Variants in RPH3A observed in about 807,000 individuals in gnomAD.
The protein encoded by RPH3A is rabphilin 3A, also known as rabphilin-3A.
Under a neutral mutation model 102.2 loss-of-function variants are expected in RPH3A, and 48 were observed. That is an observed-to-expected ratio of 0.47 (90% CI 0.37 to 0.60). The LOEUF is 0.60. Ranked by LOEUF, RPH3A falls within the 20% of genes least tolerant of loss-of-function variation. The pLI is 0.00. For synonymous variants in RPH3A, 310 were observed against 324.3 expected (o/e 0.96, Z 0.47); for missense variants, 781 against 910.1 (o/e 0.86, Z 1.83).
At position 112,642,942 on chromosome 12, in the gene RPH3A, C is replaced by T. The variant is rs557681448; in HGVS notation, c.-140+67623C>T. Among the ~76,000 whole-genome samples the T allele has an allele frequency of 2.6e-4, 39 of 152,212 alleles. No individual in the cohort carries two copies. The Middle Eastern group carries it at 0.01, about 40-fold the overall frequency. On this transcript the variant is annotated intron_variant, in intron 1 of 21. Coordinates refer to the RPH3A transcript ENST00000543106. ...TTGTCTCAAATATGGGTGCTACTGG[C>T]GTCTAGTGAGTAGAGGTCAGGGGTG...
In RPH3A at chr12:112,659,841, T is replaced by C. The variant is rs11066375; in HGVS notation, c.-140+84522T>C. ...GACTCCTAGGTCTGTTTGATCTGTC[T>C]GCATCATTCTTCGGGTGCCCCTTTG... On this transcript the variant is annotated intron_variant, in intron 1 of 21. Transcript: ENST00000543106. 6.6e-3 allele frequency among the ~76,000 whole-genome samples: 1,009 copies of C among 152,312 alleles called. 17 individuals carry two copies. Among genetic ancestry groups the C allele is most frequent in the African/African-American group, 0.023 (956 of 41,568 alleles).
At chr12:112,716,027 T>C (rs1403992375) in intron 1 of RPH3A, among the ~76,000 whole-genome samples, 6 of 152,250 alleles carry the variant, frequency 3.9e-5, no homozygotes, top group African/African-American at 1.4e-4. Context: ...TAAACTGTTA[T>C]GGCACTGGTG....
intron 3 of RPH3A, among the ~76,000 whole-genome samples, chr12:112,833,555 T>A (rs142167373): frequency 2.7e-5 from 2 of 73,354 alleles, no homozygotes. Flanking sequence ...CCAGAAACAC[T>A]TTAGCCCCCT....
chr12:112,826,333 G>A (rs936309117), intron 2 of RPH3A, among the ~76,000 whole-genome samples: 1 of 152,172 alleles, frequency 6.6e-6, no homozygotes, highest in African/African-American at 2.4e-5. Flanking sequence ...AAGAGAAGGA[G>A]GCTGCAGGGA....
At chr12:112,813,024 A>G (rs1489271120) in intron 2 of RPH3A, among the ~76,000 whole-genome samples, 1 of 152,222 alleles carries the variant, frequency 6.6e-6, no homozygotes, top group African/African-American at 2.4e-5. Context: ...ACAAGTACTA[A>G]CTCATTTAAT....
chr12:112,887,005 T>C (rs948747697), intron 16 of RPH3A, among the ~76,000 whole-genome samples: 1 of 152,166 alleles, frequency 6.6e-6, no homozygotes, highest in African/African-American at 2.4e-5. Flanking sequence ...CTGACATAAT[T>C]GAAGTCAAAG....
At chr12:112,651,558 T>C (rs1310813115) in intron 1 of RPH3A, among the ~76,000 whole-genome samples, 1 of 152,228 alleles carries the variant, frequency 6.6e-6, no homozygotes, top group Non-Finnish European at 1.5e-5. Flanking sequence ...GTGGAATACA[T>C]GAACTTTCAT....
rs1301753885 is a variant in RPH3A, at chr12:112,869,899, A to G, written c.656A>G (p.Asp219Gly). Residue 219 changes from aspartate to glycine, a missense_variant, in exon 10 of 22, where the codon GAC becomes GGC. Around this residue, in one of 2 missense-constraint regions of RPH3A, gnomAD observed 730 missense variants for 810.0 expected, o/e 0.90. Transcript: ENST00000389385. ...TTCATGCTCTTCTTTCCAGGCCCTG[A>G]CCCAGCCTCTGCTCCCGGGCGAGGA... ...RRGPGQKTGP[D>G]PASAPGRGNY... 3.1e-6 allele frequency: 5 copies of G among 1,613,906 alleles called. No homozygotes were observed. The African/African-American group carries it at 6.7e-5, about 22-fold the overall frequency.
intron 1 of RPH3A, among the ~76,000 whole-genome samples, chr12:112,653,189 G>A (rs1015871595): frequency 1.3e-5 from 2 of 151,848 alleles, no homozygotes; most frequent in East Asian, 1.9e-4. Flanking sequence ...TCAGGAGTTC[G>A]AGACCAGCCT....
At chr12:112,796,867 T>C (rs1251403617) in intron 2 of RPH3A, among the ~76,000 whole-genome samples, 2 of 152,124 alleles carry the variant, frequency 1.3e-5, no homozygotes, top group Admixed American at 1.3e-4. Context: ...CTGGTCAACA[T>C]GGTAAATCCC....
chr12:112,869,893 G>A lies in RPH3A; in HGVS notation c.650G>A (p.Gly217Asp), dbSNP rs1325227198. 3 of 1,613,924 alleles carry A rather than the reference G, an allele frequency of 1.9e-6. No individual in the cohort carries two copies. Among genetic ancestry groups the A allele is most frequent in the Non-Finnish European group, 2.5e-6 (3 of 1,179,968 alleles). Residue 217 changes from glycine (G) to aspartate (D), a missense_variant and splice_region_variant, in exon 10 of 22, where the codon GGC (glycine) becomes GAC (aspartate). By Grantham distance (94) the Gly-to-Asp change is moderately conservative (BLOSUM62 -1). Coordinates refer to ENST00000389385, the MANE Select transcript of RPH3A (RefSeq NM_001143854.2). ...ACTCAATTCATGCTCTTCTTTCCAGGCCCTGACCCAGCCTCTGCTCCCGGG... is the reference window on the plus strand; with the variant it reads ...ACTCAATTCATGCTCTTCTTTCCAGACCCTGACCCAGCCTCTGCTCCCGGG... The part of the protein sequence containing the change: ...EDRRGPGQKT[G>D]PDPASAPGRG...
chr12:112,868,492 T>C lies in RPH3A; in HGVS notation c.507T>C (p.Pro169=). 2 of 1,614,176 alleles carry C rather than the reference T, an allele frequency of 1.2e-6. No individual in the cohort carries two copies. Among genetic ancestry groups the C allele is most frequent in the Non-Finnish European group, 1.7e-6 (2 of 1,180,022 alleles). Residue 169 remains proline (P), a synonymous_variant, in exon 8 of 22, where the codon CCT becomes CCC. Coordinates refer to ENST00000389385, the MANE Select transcript of RPH3A (RefSeq NM_001143854.2). ...KGFPKQVLPQ[P]MPIKKTKPQQ... is the part of the protein sequence containing the mutation. ...TCCCCAAACAGGTCCTCCCACAGCC[T>C]ATGCCTATAAAGAAGACCAAGCCCC...
At chr12:112,775,284 CA>C (rs1030484655) in intron 1 of RPH3A, among the ~76,000 whole-genome samples, 5 of 151,700 alleles carry the variant, frequency 3.3e-5, no homozygotes, top group South Asian at 4.2e-4. Flanking sequence ...ATATGAATAC[CA>C]AAAAAAGGGA....
intron 1 of RPH3A, among the ~76,000 whole-genome samples, chr12:112,710,301 C>T (rs543087317): frequency 1.3e-5 from 2 of 152,266 alleles, no homozygotes; most frequent in South Asian, 4.2e-4. Flanking sequence ...ACCGTAGTTT[C>T]AGCGCTGAAA....
At chr12:112,683,114 G>A (rs978315190) in intron 1 of RPH3A, among the ~76,000 whole-genome samples, 2 of 152,210 alleles carry the variant, frequency 1.3e-5, no homozygotes, top group African/African-American at 4.8e-5. Context: ...TATCTTCAGA[G>A]CATGCTCAGG....
At position 112,738,884 on chromosome 12, in the gene RPH3A, C is replaced by T. The variant is rs112606241; in HGVS notation, c.-139-53259C>T. Among the ~76,000 whole-genome samples the T allele has an allele frequency of 7.3e-3, 1,117 of 152,240 alleles. 22 individuals are homozygous for T. The Middle Eastern group carries it at 0.082, about 11-fold the overall frequency. On this transcript the variant is annotated intron_variant, in intron 1 of 21. Coordinates refer to the RPH3A transcript ENST00000543106. ...AAGCCCTGGGAGTTGGGTTTGTTTG[C>T]CTAGGTATTTGGTTTTCTCTCTTTT... is the stretch of plus-strand genomic sequence containing the variant.
chr12:112,810,940 T>C (rs1277033803), intron 2 of RPH3A, among the ~76,000 whole-genome samples: 2 of 150,880 alleles, frequency 1.3e-5, no homozygotes, highest in Admixed American at 1.3e-4. Flanking sequence ...GTTTTATATA[T>C]AATACATATT....
intron 1 of RPH3A, among the ~76,000 whole-genome samples, chr12:112,778,126 A>G (rs2040981258): frequency 6.6e-6 from 1 of 152,220 alleles, no homozygotes. Flanking sequence ...CCATCCCCAA[A>G]CACAAGAAGA....
intron 5 of RPH3A, among the ~76,000 whole-genome samples, chr12:112,862,266 A>C (rs2042532357): frequency 6.7e-6 from 1 of 149,028 alleles, no homozygotes; most frequent in South Asian, 2.2e-4. Flanking sequence ...TTAGCCGGGC[A>C]TGGTTGTGCA....
Sources: allele counts gnomAD v4.1 joint callset (sites outside exome capture counted in the v4.1 genomes callset), GRCh38; gene constraint gnomAD v4.1.1; regional missense constraint gnomAD v4.1.1; transcripts MANE v1.5; gene names NCBI Gene and HGNC (gene_info 2026-07-23, HGNC 2026-07-21).